Variants in QDPR observed in about 807,000 individuals in gnomAD.
QDPR encodes the protein dihydropteridine reductase.
QDPR carries 23 observed loss-of-function variants against 31.7 expected under a neutral mutation model. The ratio of observed to expected loss-of-function variants is 0.73; its 90% CI spans 0.52 to 1.03. The LOEUF (loss-of-function observed/expected upper bound fraction) is 1.03. QDPR is among the 50% of genes least tolerant of loss of function. The pLI, the probability that QDPR is intolerant of heterozygous loss-of-function variation, is 0.00. For synonymous variants in QDPR, 124 were observed against 124.7 expected, an observed-to-expected ratio of 0.99 and a Z score of 0.03; for missense variants, 324 against 323.8, an observed-to-expected ratio of 1.00 and a Z score of 0.00.
At chr4:17,497,184 G>A (rs147983250) in intron 4 of QDPR, among the ~76,000 whole-genome samples, 201 of 152,230 alleles carry the variant, frequency 1.3e-3, no homozygotes, top group Non-Finnish European at 2.1e-3. Flanking sequence ...AGAGATCAGC[G>A]GTGTGAGTAG....
intron 4 of QDPR, among the ~76,000 whole-genome samples, chr4:17,498,829 C>CAA (rs1718454604): frequency 6.6e-6 from 1 of 151,190 alleles, no homozygotes; most frequent in Non-Finnish European, 1.5e-5. Flanking sequence ...GATGTGCAAA[C>CAA]AAATCTTCTT....
chr4:17,491,577 TG>T (rs1718166078), intron 5 of QDPR, among the ~76,000 whole-genome samples: 1 of 152,108 alleles, frequency 6.6e-6, no homozygotes, highest in Non-Finnish European at 1.5e-5. Flanking sequence ...TATAATGACT[TG>T]AAAGACAGAA....
Position 17,486,907 on chromosome 4 carries a change from G to T in QDPR, c.*224C>A. ...GAGCCCTCCCTATGCAGTTAACACA[G>T]ATCAACGGATGCTATTTGCAGGCCA... On this transcript the variant is annotated 3_prime_UTR_variant, in exon 7 of 7. Transcript: ENST00000281243. The T allele has an allele frequency of 1.7e-6, 1 of 579,484 alleles. No homozygotes were observed. The highest frequency in any genetic ancestry group is 1.9e-5 in the African/African-American group (1 of 53,678). 35.9% of individuals were successfully genotyped at this position (579,484 alleles called of 1,614,324 possible).
chr4:17,490,798 G>C (rs1021897248), intron 5 of QDPR, 53 bp from the exon 6 acceptor site: 4 of 1,459,418 alleles, frequency 2.7e-6, no homozygotes, highest in Admixed American at 1.7e-5. Context: ...TCTAACAACA[G>C]GTGCCCAGTC....
intron 5 of QDPR, 131 bp from the exon 6 acceptor site, chr4:17,490,876 T>C: frequency 2.8e-6 from 2 of 703,172 alleles, no homozygotes; most frequent in Non-Finnish European, 5.1e-6. Flanking sequence ...AGGGTGCTAT[T>C]TACATGGAAA....
chr4:17,511,128 T>C (rs1305545988), intron 1 of QDPR, among the ~76,000 whole-genome samples: 2 of 152,162 alleles, frequency 1.3e-5, no homozygotes, highest in African/African-American at 4.8e-5. Context: ...AGGGGAACTC[T>C]TGCCCAGGCT....
rs1261317899 is a variant in QDPR, at chr4:17,509,332, T to C, written c.137A>G (p.Glu46Gly). 1 of 1,613,880 alleles carries C rather than the reference T, an allele frequency of 6.2e-7. No individual in the cohort carries two copies. Among genetic ancestry groups the C allele is most frequent in the Non-Finnish European group, 8.5e-7 (1 of 1,179,940 alleles). ...AACAATGATGCTAGCGCTGGCCTCTTCATTCTCCACCACATCAACGCTGGC... is the reference window on the plus strand; with the variant it reads ...AACAATGATGCTAGCGCTGGCCTCTCCATTCTCCACCACATCAACGCTGGC... Reference protein sequence around the residue: ...WVASVDVVENEEASASIIVKM... With the variant: ...WVASVDVVENGEASASIIVKM... Residue 46 changes from glutamate (E) to glycine (G), a missense_variant, in exon 2 of 7, where the codon GAA becomes GGA. By Grantham distance (98) the Glu-to-Gly change is moderately conservative (BLOSUM62 -2). Transcript: ENST00000281243.
chr4:17,495,881 C>T (rs1718331658), intron 4 of QDPR, among the ~76,000 whole-genome samples: 4 of 151,812 alleles, frequency 2.6e-5, no homozygotes, highest in Non-Finnish European at 2.9e-5. Context: ...TGATGGCGAG[C>T]GCCTGTAGTC....
rs1010432180 is a variant in QDPR, at chr4:17,487,073, A to C, written c.*58T>G. The C allele has an allele frequency of 7.4e-7, 1 of 1,358,978 alleles. No individual in the cohort carries two copies. The highest frequency in any genetic ancestry group is 1.1e-6 in the Non-Finnish European group (1 of 948,672). The allele number at this position is 1,358,978 out of a possible 1,614,324, so 84.2% of individuals were successfully genotyped here. On this transcript the variant is annotated 3_prime_UTR_variant, in exon 7 of 7. Transcript: ENST00000281243. ...AGAAAACACAAGGCTGGACAAGGCC[A>C]CACTGAGACAGGTTAGTGACTTTTC...
rs561764378 is a variant in QDPR, at chr4:17,496,026, T to G, written c.437-3686A>C. ...ACCATATCTCCAAAAAAAAGGAAAA[T>G]AAATAAATAAATAAATAAATAAATA... is the stretch of plus-strand genomic sequence containing the variant. On this transcript the variant is annotated intron_variant, in intron 4 of 6. Transcript: ENST00000281243. 1.3e-3 allele frequency among the ~76,000 whole-genome samples: 156 copies of G among 121,248 alleles called. 2 individuals are homozygous for G. The East Asian group carries it at 0.084, about 65-fold the overall frequency. The allele number at this position is 121,248 out of a possible 152,430, so 79.5% of individuals were successfully genotyped here.
chr4:17,490,418 C>T (rs879654891), intron 6 of QDPR: 10 of 489,274 alleles, frequency 2.0e-5, no homozygotes, highest in South Asian at 1.5e-4. Context: ...TCAGCATGGC[C>T]GGTGGTGAGG....
At position 17,509,283 on chromosome 4, in the gene QDPR, C is replaced by T. The variant is rs771557010; in HGVS notation, c.186G>A (p.Glu62=). Reference sequence around the variant, plus strand: ...TTTTTGAAACTACCTGGTCAGCCTGCTCAGTGAACGAGTCTGTCATTTTAA... The same window carrying T: ...TTTTTGAAACTACCTGGTCAGCCTGTTCAGTGAACGAGTCTGTCATTTTAA... The part of the protein sequence containing the change: ...IIVKMTDSFT[E]QADQVTAEVG... Residue 62 remains glutamate, a synonymous_variant, in exon 2 of 7, where the codon GAG becomes GAA. Coordinates refer to ENST00000281243, the MANE Select transcript of QDPR (RefSeq NM_000320.3). 3 of 1,613,996 alleles carry T rather than the reference C, an allele frequency of 1.9e-6. No homozygotes were observed. Among genetic ancestry groups the T allele is most frequent in the South Asian group, 2.2e-5 (2 of 91,082 alleles).
At chr4:17,496,724 C>G (rs1718374811) in intron 4 of QDPR, among the ~76,000 whole-genome samples, 1 of 151,652 alleles carries the variant, frequency 6.6e-6, no homozygotes, top group South Asian at 2.1e-4. Flanking sequence ...CATCCTTCAC[C>G]TCCAGGGCTC....
chr4:17,490,407 C>A (rs898844369), intron 6 of QDPR: 4 of 465,790 alleles, frequency 8.6e-6, no homozygotes, highest in African/African-American at 5.9e-5. Context: ...CAATAATGTG[C>A]TCAGCATGGC....
chr4:17,497,315 C>G (rs1718398382), intron 4 of QDPR, among the ~76,000 whole-genome samples: 1 of 151,978 alleles, frequency 6.6e-6, no homozygotes, highest in Non-Finnish European at 1.5e-5. Flanking sequence ...AATACAGTGC[C>G]TTGTCTTTTC....
At chr4:17,488,384 T>C (rs928101370) in intron 6 of QDPR, among the ~76,000 whole-genome samples, 1 of 152,228 alleles carries the variant, frequency 6.6e-6, no homozygotes, top group African/African-American at 2.4e-5. Flanking sequence ...AATTCATTTA[T>C]TTGGCATTTT....
chr4:17,491,961 C>T (rs984374657), intron 5 of QDPR, among the ~76,000 whole-genome samples: 1 of 152,178 alleles, frequency 6.6e-6, no homozygotes, highest in African/African-American at 2.4e-5. Flanking sequence ...TCGCCAGGCA[C>T]CAAATCTGCT....
intron 4 of QDPR, among the ~76,000 whole-genome samples, chr4:17,496,527 C>T (rs1329626580): frequency 2.7e-5 from 4 of 148,030 alleles, no homozygotes; most frequent in African/African-American, 9.9e-5. Context: ...CTCAGTAACT[C>T]GTGAGTTTCT....
chr4:17,507,080 A>T (rs115859171), intron 2 of QDPR, among the ~76,000 whole-genome samples: 6,616 of 152,292 alleles, frequency 0.043, 187 homozygotes, highest in African/African-American at 0.075. Context: ...AATTTTAAAA[A>T]TTTGTTATAA....
Sources: gnomAD v4.1 joint callset for allele counts (sites outside exome capture counted in the v4.1 genomes callset) on GRCh38, gnomAD v4.1.1 for gene constraint, MANE v1.5 for transcripts, NCBI Gene and HGNC (gene_info 2026-07-23, HGNC 2026-07-21) for gene names.